SLC22A24: variants seen among roughly 807,000 people sequenced by gnomAD.
SLC22A24 encodes steroid transmembrane transporter SLC22A24.
A neutral mutation model predicts 49.8 loss-of-function variants in SLC22A24; 53 were observed. The observed-to-expected ratio is 1.06, with a 90% CI of 0.85 to 1.34. The LOEUF (loss-of-function observed/expected upper bound fraction) is 1.34. Ranked by LOEUF, SLC22A24 falls within the 40% of genes most tolerant of loss-of-function variation. SLC22A24 has a pLI of 0.00. For missense variants in SLC22A24, 786 were observed against 675.9 expected, an observed-to-expected ratio of 1.16 and a Z score of -1.81; for synonymous variants, 302 against 256.4, an observed-to-expected ratio of 1.18 and a Z score of -1.70.
intron 5 of SLC22A24, among the ~76,000 whole-genome samples, chr11:63,101,478 C>A (rs7130316): frequency 0.77 from 117,070 of 151,836 alleles, 45,698 homozygotes; most frequent in East Asian, 0.91. Context: ...TTATTAATAT[C>A]AAACAAATTA....
Position 63,083,427 on chromosome 11 carries a change from C to G in SLC22A24, c.1101G>C (p.Leu367=). 6.4e-7 allele frequency: 1 copy of G among 1,551,292 alleles called. No individual in the cohort carries two copies. Among genetic ancestry groups the G allele is most frequent in the South Asian group, 1.2e-5 (1 of 84,020 alleles). Residue 367 remains leucine (L), a synonymous_variant, in exon 7 of 10, where the codon CTG becomes CTC. Transcript: ENST00000612278. ...RFAITVPFYG[L]ILNLQHLGSN... ...TCCCTAAGTGCTGCAAGTTGAGTAT[C>G]AGGCCATAAAAGGGTACAGTGATTG... is the stretch of plus-strand genomic sequence containing the variant.
In SLC22A24 at chr11:63,105,745, C is replaced by G. The variant is rs145512447; in HGVS notation, c.831-1447G>C. Among the ~76,000 whole-genome samples the G allele has an allele frequency of 2.6e-3, 398 of 152,064 alleles. 1 individual carries two copies. The highest frequency in any genetic ancestry group is 8.9e-3 in the African/African-American group (370 of 41,488). On this transcript the variant is annotated intron_variant, in intron 4 of 9. Coordinates refer to ENST00000612278, the MANE Select transcript of SLC22A24 (RefSeq NM_001136506.2). ...GGCTGCCCAAATGTCTCTGACATGC[C>G]CTGGAGACATTTTCCTCATTTTCTT...
intron 2 of SLC22A24, among the ~76,000 whole-genome samples, chr11:63,131,208 TAA>T (rs1451437416): frequency 1.3e-5 from 2 of 152,130 alleles, no homozygotes; most frequent in Non-Finnish European, 2.9e-5. Context: ...AGCACACCGA[TAA>T]AGAGTCTTGA....
chr11:63,104,321 G>A (rs745407729), intron 4 of SLC22A24, 23 bp from the exon 5 acceptor site: 46 of 1,534,388 alleles, frequency 3.0e-5, no homozygotes, highest in South Asian at 3.7e-5. Flanking sequence ...GACAACATAG[G>A]TATAGTAAAC....
intron 4 of SLC22A24, among the ~76,000 whole-genome samples, chr11:63,117,331 T>C (rs186194402): frequency 6.6e-6 from 1 of 152,342 alleles, no homozygotes; most frequent in Admixed American, 6.5e-5. Context: ...ACTGAATCTC[T>C]ACTTGGTTAG....
At position 63,143,626 on chromosome 11, in the gene SLC22A24, G is replaced by A. The variant is rs763968941; in HGVS notation, c.154C>T (p.Pro52Ser). The change falls in exon 1 of 10, where the codon CCC becomes TCC. Residue 52 changes from proline to serine, a missense_variant. Transcript: ENST00000612278. ...GACACAGTGTCATTGTCCAGGAGGG[G>A]GACCCAGCAGCGATGACTAGGGGTG... is the stretch of plus-strand genomic sequence containing the variant. ...AFTPSHRCWV[P>S]LLDNDTVSDN... The A allele has an allele frequency of 3.8e-6, 6 of 1,590,458 alleles. No individual in the cohort carries two copies. The highest frequency in any genetic ancestry group is 5.1e-6 in the Non-Finnish European group (6 of 1,169,046).
intron 5 of SLC22A24, among the ~76,000 whole-genome samples, chr11:63,097,474 G>A (rs2087062662): frequency 6.6e-6 from 1 of 152,172 alleles, no homozygotes; most frequent in South Asian, 2.1e-4. Flanking sequence ...TACACCATGG[G>A]AGTGTAAATT....
intron 9 of SLC22A24, 87 bp downstream of exon 9, chr11:63,080,833 G>T: frequency 8.7e-7 from 1 of 1,147,446 alleles, no homozygotes; most frequent in South Asian, 1.5e-5. Flanking sequence ...AGGACAGAGG[G>T]CCCCAAATGG....
In SLC22A24 at chr11:63,096,078, A is replaced by T; in HGVS notation, c.983T>A (p.Leu328Ter). Residue 328 changes from leucine (L) to a stop codon, truncating the protein, a stop_gained, in exon 6 of 10, where the codon TTG becomes TAG. Transcript: ENST00000612278. LOFTEE classifies it high-confidence loss of function. Reference sequence around the variant, plus strand: ...GGATGTTTTAATTCGGACTGCATCCAACTCCTTCTTCATGGTGGATCTCAC... The same window carrying T: ...GGATGTTTTAATTCGGACTGCATCCTACTCCTTCTTCATGGTGGATCTCAC... ...ELVRSTMKKE[L>*]DAVRIKTSIF... 6.4e-7 allele frequency: 1 copy of T among 1,550,760 alleles called. No individual in the cohort carries two copies. Among genetic ancestry groups the T allele is most frequent in the Non-Finnish European group, 8.7e-7 (1 of 1,146,304 alleles).
intron 6 of SLC22A24, among the ~76,000 whole-genome samples, chr11:63,085,466 CAG>C (rs1323223334): frequency 6.6e-6 from 1 of 152,064 alleles, no homozygotes; most frequent in African/African-American, 2.4e-5. Flanking sequence ...AAAATATAAA[CAG>C]AATTAGGCTA....
intron 6 of SLC22A24, among the ~76,000 whole-genome samples, chr11:63,084,685 C>T (rs1268320252): frequency 6.6e-6 from 1 of 152,110 alleles, no homozygotes; most frequent in East Asian, 1.9e-4. Context: ...CTTTCTTTCC[C>T]CCTCTCTAGG....
At chr11:63,100,888 A>G (rs889584401) in intron 5 of SLC22A24, among the ~76,000 whole-genome samples, 1 of 152,172 alleles carries the variant, frequency 6.6e-6, no homozygotes. Context: ...CATATAAAAA[A>G]TCAAATCAAA....
intron 6 of SLC22A24, among the ~76,000 whole-genome samples, chr11:63,092,440 C>A (rs1462748976): frequency 1.4e-5 from 2 of 143,526 alleles, no homozygotes; most frequent in Non-Finnish European, 3.0e-5. Flanking sequence ...ACTGTATAGC[C>A]AAGAAAATCC....
At chr11:63,133,617 C>G (rs1447490192) in intron 2 of SLC22A24, among the ~76,000 whole-genome samples, 3 of 151,960 alleles carry the variant, frequency 2.0e-5, no homozygotes, top group Admixed American at 6.6e-5. Flanking sequence ...CATCCTCAAG[C>G]AAAGTCATCC....
chr11:63,131,422 T>C (rs879620214), intron 2 of SLC22A24, among the ~76,000 whole-genome samples: 3 of 152,194 alleles, frequency 2.0e-5, no homozygotes, highest in Admixed American at 6.5e-5. Context: ...GTACTGGTTG[T>C]TCCTTTCCAT....
At chr11:63,096,727 T>C (rs535481315) in intron 5 of SLC22A24, among the ~76,000 whole-genome samples, 28 of 152,178 alleles carry the variant, frequency 1.8e-4, no homozygotes, top group African/African-American at 6.7e-4. Context: ...AGGAAAAAAG[T>C]TGGGGATGTG....
At chr11:63,141,690 G>T (rs1433536162) in intron 1 of SLC22A24, among the ~76,000 whole-genome samples, 2 of 152,132 alleles carry the variant, frequency 1.3e-5, no homozygotes, top group Non-Finnish European at 2.9e-5. Flanking sequence ...ACCCATGGCT[G>T]GGCTCGGCTT....
intron 5 of SLC22A24, among the ~76,000 whole-genome samples, chr11:63,096,386 A>G (rs2134645267): frequency 1.3e-5 from 2 of 152,272 alleles, no homozygotes; most frequent in Admixed American, 1.3e-4. Flanking sequence ...TGCATTATAA[A>G]TCGGAGGAAA....
At chr11:63,119,826 A>G (rs2087238789) in intron 2 of SLC22A24, among the ~76,000 whole-genome samples, 2 of 152,166 alleles carry the variant, frequency 1.3e-5, no homozygotes, top group Non-Finnish European at 2.9e-5. Flanking sequence ...TCACTCAGCT[A>G]TGTCTAGATT....
Sources: allele counts gnomAD v4.1 joint callset (sites outside exome capture counted in the v4.1 genomes callset), GRCh38; gene constraint gnomAD v4.1.1; transcripts MANE v1.5; gene names NCBI Gene and HGNC (gene_info 2026-07-23, HGNC 2026-07-21).